The following TRIB1 variants were observed in gnomAD, a reference collection of about 807,000 sequenced individuals.
The protein encoded by TRIB1 is tribbles pseudokinase 1, also known as tribbles homolog 1.
In TRIB1, 12 loss-of-function variants were observed where a neutral mutation model predicts 27.8. The observed-to-expected ratio is 0.43, with a 90% CI of 0.28 to 0.70. TRIB1 has a LOEUF of 0.70. TRIB1 is among the 30% of genes least tolerant of loss of function. The pLI, the probability that TRIB1 is intolerant of heterozygous loss-of-function variation, is 0.18. For missense variants in TRIB1, 475 were observed against 515.8 expected, an observed-to-expected ratio of 0.92 and a Z score of 0.77; for synonymous variants, 230 against 224.9, an observed-to-expected ratio of 1.02 and a Z score of -0.20.
Position 125,435,463 on chromosome 8 carries a change from G to C in TRIB1, c.654-543G>C, listed in dbSNP as rs576488861. Among the ~76,000 whole-genome samples, 7 of 152,290 alleles carry C rather than the reference G, an allele frequency of 4.6e-5. No homozygotes were observed. The East Asian group carries it at 1.3e-3, about 29-fold the overall frequency. ...CAGGAGGACAAAGTTTGCTCTGTGT[G>C]CATGTATCAGTGTGGGCACCAGCGC... On this transcript the variant is annotated intron_variant, in intron 2 of 2. Transcript: ENST00000311922.
chr8:125,430,487 T>A lies in TRIB1; in HGVS notation c.-416T>A, dbSNP rs866109663. On this transcript the variant is annotated 5_prime_UTR_variant, in exon 1 of 3. Coordinates refer to ENST00000311922, the MANE Select transcript of TRIB1 (RefSeq NM_025195.4). ...GGCTTTTGCTGGAGACTCATCGCTT[T>A]GGGAAGTGCATTTGCTTCGTGGCTC... 1 of 165,994 alleles carries A rather than the reference T, an allele frequency of 6.0e-6. No homozygotes were observed. The allele number at this position is 165,994 out of a possible 1,614,324, so 10.3% of individuals were successfully genotyped here. A position where few individuals can be genotyped will look rare whatever the true frequency, so the allele number is the denominator to read the frequency against.
In TRIB1 at chr8:125,430,936, G is replaced by A. The variant is rs1440081687; in HGVS notation, c.34G>A (p.Gly12Ser). ...RVGPVRSAMS[G>S]ASQPRGPALL... ...CGGTCCGGTGCGCTCTGCCATGAGC[G>A]GCGCCTCGCAGCCCCGCGGCCCGGC... The change falls in exon 1 of 3, where the codon GGC (glycine) becomes AGC (serine). Residue 12 changes from glycine (G) to serine (S), a missense_variant. By Grantham distance (56) the Gly-to-Ser change is moderately conservative (BLOSUM62 0). Transcript: ENST00000311922. The A allele has an allele frequency of 7.5e-6, 11 of 1,469,300 alleles. No homozygotes were observed. The highest frequency in any genetic ancestry group is 1.5e-5 in the African/African-American group (1 of 67,724). 91.0% of individuals were successfully genotyped at this position (1,469,300 alleles called of 1,614,324 possible).
rs148932317 is a variant in TRIB1, at chr8:125,436,096, C to T, written c.744C>T (p.Tyr248=). ...ALSDKHGCPA[Y]VSPEILNTTG... is the part of the protein sequence containing the mutation. ...CAGACAAACATGGCTGCCCAGCCTA[C>T]GTGAGCCCTGAGATCCTCAACACCA... is the stretch of plus-strand genomic sequence containing the variant. The change falls in exon 3 of 3, where the codon TAC becomes TAT. Residue 248 remains tyrosine (Y), a synonymous_variant. Coordinates refer to ENST00000311922, the MANE Select transcript of TRIB1 (RefSeq NM_025195.4). 50 of 1,614,048 alleles carry T rather than the reference C, an allele frequency of 3.1e-5. No homozygotes were observed. Among genetic ancestry groups the T allele is most frequent in the African/African-American group, 1.3e-4 (10 of 74,926 alleles).
In TRIB1 at chr8:125,433,426, A is replaced by G. The variant is rs779298762; in HGVS notation, c.470A>G (p.Tyr157Cys). 3.7e-6 allele frequency: 6 copies of G among 1,614,240 alleles called. No homozygotes were observed. Among genetic ancestry groups the G allele is most frequent in the Middle Eastern group, 1.6e-4 (1 of 6,062 alleles). The change falls in exon 2 of 3, where the codon TAT becomes TGT. Residue 157 changes from tyrosine to cysteine, a missense_variant. Tyr to Cys is a radical substitution (Grantham distance 194). Transcript: ENST00000311922. This position sits in a 1 kb window ranked among gnomAD's most constrained non-coding sequence, Gnocchi z 4.4. ...GTGATCCTTGGGGAAACCAAGGCCT[A>G]TGTCTTCTTTGAGAAGGACTTTGGG... ...VEVILGETKA[Y>C]VFFEKDFGDM...
rs1396221174 is a variant in TRIB1 at position 125,433,290 on chromosome 8, CT to C, written c.361-26del. The C allele has an allele frequency of 6.3e-7, 1 of 1,599,948 alleles. No individual in the cohort carries two copies. Among genetic ancestry groups the C allele is most frequent in the Non-Finnish European group, 8.6e-7 (1 of 1,169,104 alleles). On this transcript the variant is annotated intron_variant, in intron 1 of 2. Transcript: ENST00000311922. This position sits in a 1 kb window ranked among gnomAD's most constrained non-coding sequence, Gnocchi z 4.4. ...AGGCTGCCTTTGCTTTTCTAGCCCCCTAAACGGGCCCCCCTTCTCTCTACAG... is the reference window on the plus strand; with the variant it reads ...AGGCTGCCTTTGCTTTTCTAGCCCCCAAACGGGCCCCCCTTCTCTCTACAG...
rs115975962 is a variant in TRIB1, at chr8:125,433,811, C to T, written c.653+202C>T. The T allele has an allele frequency of 7.8e-3, 4,562 of 586,786 alleles. 152 individuals carry two copies. Among genetic ancestry groups the T allele is most frequent in the African/African-American group, 0.073 (3,913 of 53,964 alleles). 36.3% of individuals were successfully genotyped at this position (586,786 alleles called of 1,614,324 possible). On this transcript the variant is annotated intron_variant, in intron 2 of 2. Transcript: ENST00000311922. The surrounding 1 kb of genome is among the most constrained non-coding windows in gnomAD (Gnocchi z 4.4). ...TCTCTTGGACGGGGCCTGGGGACAC[C>T]GTGGCGCTTCTATGGGATGGCAAGT...
Position 125,430,796 on chromosome 8 carries a change from C to T in TRIB1, c.-107C>T. ...CCGAGCCAAGACCAGTCTGCAAACT[C>T]CATCCCGCCGGCTGGAAGAAGTCGC... is the stretch of plus-strand genomic sequence containing the variant. On this transcript the variant is annotated 5_prime_UTR_variant, in exon 1 of 3. Coordinates refer to ENST00000311922, the MANE Select transcript of TRIB1 (RefSeq NM_025195.4). 1 of 1,318,744 alleles carries T rather than the reference C, an allele frequency of 7.6e-7. No homozygotes were observed. Among genetic ancestry groups the T allele is most frequent in the Non-Finnish European group, 9.7e-7 (1 of 1,032,744 alleles). The allele number at this position is 1,318,744 out of a possible 1,614,324, so 81.7% of individuals were successfully genotyped here.
Position 125,430,708 on chromosome 8 carries a change from A to C in TRIB1, c.-195A>C. 3 of 645,928 alleles carry C rather than the reference A, an allele frequency of 4.6e-6. No individual in the cohort carries two copies. Among genetic ancestry groups the C allele is most frequent in the Non-Finnish European group, 2.2e-6 (1 of 446,184 alleles). The allele number at this position is 645,928 out of a possible 1,614,324, so 40.0% of individuals were successfully genotyped here. On this transcript the variant is annotated 5_prime_UTR_variant, in exon 1 of 3. Transcript: ENST00000311922. ...GCCTCCGCCTCCCGGACGCACAGCC[A>C]GCGTGGTCCCCGCGTGCAACGCGAG...
In TRIB1 at chr8:125,431,029, G is replaced by C; in HGVS notation, c.127G>C (p.Val43Leu). 1 of 1,460,624 alleles carries C rather than the reference G, an allele frequency of 6.8e-7. No individual in the cohort carries two copies. The highest frequency in any genetic ancestry group is 9.0e-7 in the Non-Finnish European group (1 of 1,114,258). The allele number at this position is 1,460,624 out of a possible 1,614,324, so 90.5% of individuals were successfully genotyped here. ...RLLDADDAAA[V>L]AAKCPRLSEC... ...GCTGGACGCCGACGACGCGGCGGCTGTGGCGGCCAAGTGCCCGCGCCTCTC... is the reference window on the plus strand; with the variant it reads ...GCTGGACGCCGACGACGCGGCGGCTCTGGCGGCCAAGTGCCCGCGCCTCTC... Residue 43 changes from valine (V) to leucine (L), a missense_variant, in exon 1 of 3, where the codon GTG becomes CTG. Transcript: ENST00000311922.
Position 125,436,302 on chromosome 8 carries a change from G to A in TRIB1, c.950G>A (p.Ser317Asn), listed in dbSNP as rs761181000. 7 of 1,613,928 alleles carry A rather than the reference G, an allele frequency of 4.3e-6. No homozygotes were observed. The highest frequency in any genetic ancestry group is 5.1e-6 in the Non-Finnish European group (6 of 1,179,996). Residue 317 changes from serine to asparagine, a missense_variant, in exon 3 of 3, where the codon AGC (serine) becomes AAC (asparagine). By Grantham distance (46) the Ser-to-Asn change is conservative (BLOSUM62 1). Transcript: ENST00000311922. ...ISPKARCLIR[S>N]LLRREPSERL... ...CCCAAAGCCAGGTGCCTCATTCGCA[G>A]CCTCTTGAGACGGGAGCCCTCCGAG...
At chr8:125,432,411 C>G (rs1277540750) in intron 1 of TRIB1, 1 of 596,250 alleles carries the variant, frequency 1.7e-6, no homozygotes, top group Non-Finnish European at 2.1e-6. Context: ...AGCAGCCAGG[C>G]CTCTTAGAGG....
rs1283035215 is a variant in TRIB1 at position 125,435,736 on chromosome 8, A to G, written c.654-270A>G. ...AACTCCTATTAGGATATCTCTTGTA[A>G]GCTCCAGCATTATGAATACTATTTG... On this transcript the variant is annotated intron_variant, in intron 2 of 2. Coordinates refer to ENST00000311922, the MANE Select transcript of TRIB1 (RefSeq NM_025195.4). 3.3e-5 allele frequency among the ~76,000 whole-genome samples: 5 copies of G among 152,230 alleles called. 1 individual carries two copies. The highest frequency in any genetic ancestry group is 2.6e-4 in the Admixed American group (4 of 15,280).
Position 125,430,891 on chromosome 8 carries a change from G to T in TRIB1, c.-12G>T. 7.1e-7 allele frequency: 1 copy of T among 1,416,648 alleles called. No individual in the cohort carries two copies. The highest frequency in any genetic ancestry group is 9.1e-7 in the Non-Finnish European group (1 of 1,092,992). The allele number at this position is 1,416,648 out of a possible 1,614,324, so 87.8% of individuals were successfully genotyped here. ...GACTTAAAAAGCCGGGGCCACCCCG[G>T]CCCAGGACGGGATGCGGGTCGGTCC... is the stretch of plus-strand genomic sequence containing the variant. On this transcript the variant is annotated 5_prime_UTR_variant, in exon 1 of 3. Transcript: ENST00000311922.
In TRIB1 at chr8:125,436,070, T is replaced by C; in HGVS notation, c.718T>C (p.Ser240Pro). Residue 240 changes from serine to proline, a missense_variant, in exon 3 of 3, where the codon TCA (serine) becomes CCA (proline). Ser to Pro is a moderately conservative substitution (Grantham distance 74, BLOSUM62 -1). Transcript: ENST00000311922. Reference sequence around the variant, plus strand: ...AATGAAGGGGGAAGATGATGCTTTGTCAGACAAACATGGCTGCCCAGCCTA... The same window carrying C: ...AATGAAGGGGGAAGATGATGCTTTGCCAGACAAACATGGCTGCCCAGCCTA... ...HIMKGEDDAL[S>P]DKHGCPAYVS... 2.5e-6 allele frequency: 4 copies of C among 1,614,144 alleles called. No individual in the cohort carries two copies. Among genetic ancestry groups the C allele is most frequent in the Non-Finnish European group, 3.4e-6 (4 of 1,180,026 alleles).
chr8:125,436,179 C>G lies in TRIB1; in HGVS notation c.827C>G (p.Thr276Ser), dbSNP rs1586849594. The change falls in exon 3 of 3, where the codon ACC becomes AGC. Residue 276 changes from threonine (T) to serine (S), a missense_variant. Physicochemically the swap from Thr to Ser is moderately conservative, Grantham distance 58. Transcript: ENST00000311922. ...TGGAGCCTGGGGGTGATGCTCTACA[C>G]CCTTCTGGTTGGACGATACCCCTTC... Reference protein sequence around the residue: ...DVWSLGVMLYTLLVGRYPFHD... With the variant: ...DVWSLGVMLYSLLVGRYPFHD... 1 of 1,614,182 alleles carries G rather than the reference C, an allele frequency of 6.2e-7. No individual in the cohort carries two copies.
chr8:125,434,027 T>G (rs1324266959), intron 2 of TRIB1, among the ~76,000 whole-genome samples: 1 of 152,174 alleles, frequency 6.6e-6, no homozygotes, highest in East Asian at 1.9e-4. Context: ...CTAGTGAGAC[T>G]GTCATATATG....
intron 2 of TRIB1, among the ~76,000 whole-genome samples, chr8:125,434,342 G>C (rs1392501264): frequency 6.6e-6 from 1 of 152,194 alleles, no homozygotes; most frequent in African/African-American, 2.4e-5. Flanking sequence ...TTAAGAGCCA[G>C]CCACATCCCT....
At position 125,433,180 on chromosome 8, in the gene TRIB1, G is replaced by T; in HGVS notation, c.361-137G>T. 1.1e-6 allele frequency: 1 copy of T among 920,508 alleles called. No homozygotes were observed. Among genetic ancestry groups the T allele is most frequent in the Non-Finnish European group, 1.6e-6 (1 of 606,152 alleles). The allele number at this position is 920,508 out of a possible 1,614,324, so 57.0% of individuals were successfully genotyped here. A position where few individuals can be genotyped will look rare whatever the true frequency, so the allele number is the denominator to read the frequency against. ...TGGGGCTGCGTAAGGTAAGGTGGCA[G>T]AGGAAAGGAGTAGGTGAATGGAACT... On this transcript the variant is annotated intron_variant, in intron 1 of 2. Transcript: ENST00000311922. This position sits in a 1 kb window ranked among gnomAD's most constrained non-coding sequence, Gnocchi z 4.4.
Position 125,433,704 on chromosome 8 carries a change from G to A in TRIB1, c.653+95G>A, listed in dbSNP as rs987692988. The A allele has an allele frequency of 7.1e-7, 1 of 1,409,894 alleles. No individual in the cohort carries two copies. 87.3% of individuals were successfully genotyped at this position (1,409,894 alleles called of 1,614,324 possible). ...GTGCTGTGTGTTGGTGCAAAACAAA[G>A]TCAAGGGCTCATATGTCCCAGATTT... On this transcript the variant is annotated intron_variant, in intron 2 of 2. Transcript: ENST00000311922. This position sits in a 1 kb window ranked among gnomAD's most constrained non-coding sequence, Gnocchi z 4.4.
Sources: allele counts gnomAD v4.1 joint callset (sites outside exome capture counted in the v4.1 genomes callset), GRCh38; gene constraint gnomAD v4.1.1; non-coding constraint Gnocchi (gnomAD v3.1); transcripts MANE v1.5; gene names NCBI Gene and HGNC (gene_info 2026-07-23, HGNC 2026-07-21).